NPSR1: variants seen among roughly 807,000 people sequenced by gnomAD.
NPSR1 encodes the protein neuropeptide S receptor 1.
In NPSR1, 48 loss-of-function variants were observed where a neutral mutation model predicts 46.9. That is an observed-to-expected ratio of 1.02 (90% CI 0.81 to 1.30). NPSR1 has a LOEUF of 1.30. Among genes scored for constraint, NPSR1 ranks in the 50% most tolerant of loss-of-function variants. NPSR1 has a pLI of 0.00. For missense variants in NPSR1, 450 were observed against 449.5 expected (o/e 1.00, Z -0.01); for synonymous variants, 176 against 168.1 (o/e 1.05, Z -0.36).
At chr7:34,803,683 A>G (rs1788543356) in intron 3 of NPSR1, among the ~76,000 whole-genome samples, 1 of 151,768 alleles carries the variant, frequency 6.6e-6, no homozygotes, top group South Asian at 2.1e-4. Flanking sequence ...TAACCTGCAC[A>G]TTGTGTACAT....
At position 34,682,461 on chromosome 7, in the gene NPSR1, T is replaced by C. The variant is rs559166685; in HGVS notation, c.148-2091T>C. On this transcript the variant is annotated intron_variant, in intron 1 of 8. Coordinates refer to ENST00000360581, the MANE Select transcript of NPSR1 (RefSeq NM_207172.2). The stretch of plus-strand genomic sequence containing the variant: ...TCCCCAACCCTGTCCCTCAACTGTT[T>C]CATCTGTCAGCACCATGGTGTCAGT... Among the ~76,000 whole-genome samples, 166 of 152,246 alleles carry C rather than the reference T, an allele frequency of 1.1e-3. 2 individuals carry two copies. In the Middle Eastern group the frequency reaches 0.014, roughly 12 times the overall value.
chr7:34,697,648 T>G (rs1221214770), intron 2 of NPSR1, among the ~76,000 whole-genome samples: 1 of 151,958 alleles, frequency 6.6e-6, no homozygotes, highest in African/African-American at 2.4e-5. Flanking sequence ...TACTATATTC[T>G]TAAAATTTGT....
intron 3 of NPSR1, among the ~76,000 whole-genome samples, chr7:34,804,928 C>G (rs1788617683): frequency 2.0e-5 from 3 of 151,588 alleles, no homozygotes; most frequent in Non-Finnish European, 4.4e-5. Flanking sequence ...ATTAAAAACA[C>G]AATACCATTT....
chr7:34,805,421 G>A (rs187782460), intron 3 of NPSR1, among the ~76,000 whole-genome samples: 129 of 139,152 alleles, frequency 9.3e-4, no homozygotes, highest in African/African-American at 3.4e-3. Context: ...AAGGCATTGA[G>A]AGATAGCCTT....
intron 3 of NPSR1, chr7:34,779,486 T>C (rs1049714546): frequency 3.0e-6 from 2 of 666,246 alleles, no homozygotes; most frequent in African/African-American, 1.9e-5. Flanking sequence ...TTAGGATCTT[T>C]GTATATATAT....
At chr7:34,671,791 A>G (rs1043900671) in intron 1 of NPSR1, among the ~76,000 whole-genome samples, 1 of 152,072 alleles carries the variant, frequency 6.6e-6, no homozygotes, top group Non-Finnish European at 1.5e-5. Context: ...TGGTCCTTAC[A>G]TCTGCTTCTG....
exon 9 of NPSR1, chr7:34,878,167 T>C (rs1377990414): frequency 7.5e-6 from 12 of 1,599,576 alleles, no homozygotes; most frequent in African/African-American, 1.3e-5. Flanking sequence ...TGTACCTTCC[T>C]GGGCTCTTCC....
At chr7:34,690,905 C>G (rs1793217882) in intron 2 of NPSR1, among the ~76,000 whole-genome samples, 1 of 152,120 alleles carries the variant, frequency 6.6e-6, no homozygotes. Context: ...GTGAGAAGAA[C>G]ATCACCAAGA....
At chr7:34,723,705 C>T (rs1439671289) in intron 2 of NPSR1, among the ~76,000 whole-genome samples, 2 of 152,082 alleles carry the variant, frequency 1.3e-5, no homozygotes, top group African/African-American at 4.8e-5. Context: ...GGGGATCTCA[C>T]TATGTTTCCA....
intron 6 of NPSR1, among the ~76,000 whole-genome samples, chr7:34,838,516 G>A (rs184447568): frequency 3.2e-4 from 48 of 152,250 alleles, no homozygotes; most frequent in South Asian, 6.2e-4. Context: ...GGAGTTGGCA[G>A]GTAAATCGGA....
rs1554336128 is a variant in NPSR1 at position 34,823,399 on chromosome 7, G to GAAAAAGAAAAAAAA, written c.479-3997_479-3996insGAAAAAAAAAAAAA. Among the ~76,000 whole-genome samples the GAAAAAGAAAAAAAA allele has an allele frequency of 6.6e-3, 450 of 68,146 alleles. 23 individuals are homozygous for GAAAAAGAAAAAAAA. Among genetic ancestry groups the GAAAAAGAAAAAAAA allele is most frequent in the African/African-American group, 0.022 (432 of 19,456 alleles). 44.7% of individuals were successfully genotyped at this position (68,146 alleles called of 152,430 possible). On this transcript the variant is annotated intron_variant, in intron 4 of 8. Coordinates refer to ENST00000360581, the MANE Select transcript of NPSR1 (RefSeq NM_207172.2). Reference sequence around the variant, plus strand: ...TTGGCAACAGAGCAAGACTTCACCAGAAAAAAAAAAAAAAAAACAACACCA... The same window carrying GAAAAAGAAAAAAAA: ...TTGGCAACAGAGCAAGACTTCACCAGAAAAAGAAAAAAAAAAAAAAAAAAAAAAAAACAACACCA...
chr7:34,870,431 G>A (rs1791423556), intron 8 of NPSR1, among the ~76,000 whole-genome samples: 1 of 151,822 alleles, frequency 6.6e-6, no homozygotes, highest in Non-Finnish European at 1.5e-5. Flanking sequence ...AAGGAATCAA[G>A]TATGAGGTTG....
At chr7:34,829,331 C>A (rs1239386961) in intron 5 of NPSR1, among the ~76,000 whole-genome samples, 1 of 152,160 alleles carries the variant, frequency 6.6e-6, no homozygotes, top group African/African-American at 2.4e-5. Flanking sequence ...AACACCAACA[C>A]TTTATTTTGA....
intron 2 of NPSR1, chr7:34,710,782 T>C: frequency 2.1e-6 from 1 of 480,702 alleles, no homozygotes; most frequent in Non-Finnish European, 3.9e-6. Flanking sequence ...AGAGAAGAAA[T>C]GTTTCCTGCT....
chr7:34,763,728 G>A (rs1011970199), intron 2 of NPSR1, among the ~76,000 whole-genome samples: 1 of 152,084 alleles, frequency 6.6e-6, no homozygotes, highest in African/African-American at 2.4e-5. Context: ...GAAATGGCAT[G>A]GCAGAGTGAA....
At chr7:34,700,618 T>G (rs1793779961) in intron 2 of NPSR1, among the ~76,000 whole-genome samples, 1 of 152,202 alleles carries the variant, frequency 6.6e-6, no homozygotes, top group East Asian at 1.9e-4. Flanking sequence ...AATAATATAC[T>G]AAATCACTCT....
chr7:34,735,696 G>A (rs1246524944), intron 2 of NPSR1, among the ~76,000 whole-genome samples: 1 of 152,170 alleles, frequency 6.6e-6, no homozygotes, highest in Non-Finnish European at 1.5e-5. Flanking sequence ...AGTAGTTAAG[G>A]TTTTGATACT....
chr7:34,852,641 TATC>T (rs1334453273), downstream of NPSR1, among the ~76,000 whole-genome samples: 4 of 152,162 alleles, frequency 2.6e-5, no homozygotes, highest in African/African-American at 9.7e-5. Context: ...TGCAGAGAAA[TATC>T]ATTTCCCAAC....
intron 4 of NPSR1, among the ~76,000 whole-genome samples, chr7:34,821,127 C>CTTTTTTTT (rs35086136): frequency 1.1e-5 from 1 of 94,854 alleles, no homozygotes; most frequent in African/African-American, 4.0e-5. Context: ...TTGTGATACA[C>CTTTTTTTT]TTTTTTTTTT....
Sources: allele counts gnomAD v4.1 joint callset (sites outside exome capture counted in the v4.1 genomes callset), GRCh38; gene constraint gnomAD v4.1.1; transcripts MANE v1.5; gene names NCBI Gene and HGNC (gene_info 2026-07-23, HGNC 2026-07-21).